CUX2: variants seen among roughly 807,000 people sequenced by gnomAD.
CUX2 encodes the protein cut like homeobox 2, also known as homeobox protein cut-like 2.
CUX2 carries 40 observed loss-of-function variants against 144.8 expected under a neutral mutation model. The observed-to-expected ratio is 0.28, with a 90% CI of 0.21 to 0.36. The LOEUF (loss-of-function observed/expected upper bound fraction) is 0.36, where lower values mean the gene tolerates loss of function less well. Ranked by LOEUF, CUX2 falls within the 10% of genes least tolerant of loss-of-function variation. The pLI is 1.00. For missense variants in CUX2, 1,615 were observed against 1,994.0 expected, an observed-to-expected ratio of 0.81 and a Z score of 3.62; for synonymous variants, 827 against 875.6, an observed-to-expected ratio of 0.94 and a Z score of 0.98.
In CUX2 at chr12:111,293,632, G is replaced by A. The variant is rs1420679599; in HGVS notation, c.560+63G>A. ...GGGCAGGGCTCCTGCTGCCCCACCT[G>A]GCTGGGTCGTGGACGGGGAAAGTCT... On this transcript the variant is annotated intron_variant, in intron 6 of 21. Transcript: ENST00000261726. This position sits in a 1 kb window ranked among gnomAD's most constrained non-coding sequence, Gnocchi z 4.5. 7 of 1,531,070 alleles carry A rather than the reference G, an allele frequency of 4.6e-6. No individual in the cohort carries two copies. Among genetic ancestry groups the A allele is most frequent in the Non-Finnish European group, 6.2e-6 (7 of 1,136,290 alleles). The allele number at this position is 1,531,070 out of a possible 1,614,324, so 94.8% of individuals were successfully genotyped here. A position where few individuals can be genotyped will look rare whatever the true frequency, so the allele number is the denominator to read the frequency against.
Position 111,347,859 on chromosome 12 carries a change from A to G in CUX2, c.3995A>G (p.His1332Arg), listed in dbSNP as rs544531932. Residue 1332 changes from histidine (H) to arginine (R), a missense_variant, in exon 22 of 22, where the codon CAT (histidine) becomes CGT (arginine). Physicochemically the swap from His to Arg is conservative, Grantham distance 29 (BLOSUM62 0). This residue lies in a region of CUX2 where 298 missense variants were observed against 330.4 expected (regional missense o/e 0.90). Transcript: ENST00000261726. ...DKGQGPPKEE[H>R]PDPPGNDGLP... is the part of the protein sequence containing the mutation. ...GGCCAAGGTCCCCCCAAAGAGGAGC[A>G]TCCCGACCCTCCGGGTAATGATGGA... 1.9e-6 allele frequency: 3 copies of G among 1,614,138 alleles called. No individual in the cohort carries two copies. The South Asian group carries it at 3.3e-5, about 18-fold the overall frequency.
chr12:111,309,972 CCT>C, intron 14 of CUX2, 67 bp from the exon 15 acceptor site: 1 of 1,243,406 alleles, frequency 8.0e-7, no homozygotes, highest in Non-Finnish European at 1.0e-6. Context: ...TCTTTTTCTC[CCT>C]GTCTCTCTCT....
chr12:111,325,450 A>G (rs913105291), intron 18 of CUX2, among the ~76,000 whole-genome samples: 1 of 152,190 alleles, frequency 6.6e-6, no homozygotes, highest in Non-Finnish European at 1.5e-5. Flanking sequence ...GAGGAAATCC[A>G]GGGGCATGGT....
At position 111,034,335 on chromosome 12, in the gene CUX2, C is replaced by T. The variant is rs1214957904; in HGVS notation, c.63+95C>T. 1.4e-6 allele frequency: 1 copy of T among 713,744 alleles called. No homozygotes were observed. Among genetic ancestry groups the T allele is most frequent in the Non-Finnish European group, 1.7e-6 (1 of 572,926 alleles). The allele number at this position is 713,744 out of a possible 1,614,324, so 44.2% of individuals were successfully genotyped here. On this transcript the variant is annotated intron_variant, in intron 1 of 21. Transcript: ENST00000261726. The surrounding 1 kb of genome is among the most constrained non-coding windows in gnomAD (Gnocchi z 4.2). ...GTCCCCGGGCGGGCAGGCGGACGCC[C>T]TGGGGCGGCGGGCGGCGGCTGCCGG... is the stretch of plus-strand genomic sequence containing the variant.
rs1870744829 is a variant in CUX2, at chr12:111,061,050, C to G, written c.63+26810C>G. Among the ~76,000 whole-genome samples the G allele has an allele frequency of 6.6e-6, 1 of 152,154 alleles. No homozygotes were observed. Among genetic ancestry groups the G allele is most frequent in the Admixed American group, 6.5e-5 (1 of 15,288 alleles). On this transcript the variant is annotated intron_variant, in intron 1 of 21. Coordinates refer to ENST00000261726, the MANE Select transcript of CUX2 (RefSeq NM_015267.4). This position sits in a 1 kb window ranked among gnomAD's most constrained non-coding sequence, Gnocchi z 4.2. The stretch of plus-strand genomic sequence containing the variant: ...CCAGGACCTCCAGCTGGCCCTGCTG[C>G]CCCCTCCCCCGCTTCCTTGGGGCTG...
chr12:111,165,900 C>T (rs1265408611), intron 1 of CUX2, among the ~76,000 whole-genome samples: 6 of 152,184 alleles, frequency 3.9e-5, no homozygotes, highest in Non-Finnish European at 8.8e-5. Context: ...AAATTGCTAT[C>T]CACAGTGTTT....
At position 111,263,961 on chromosome 12, in the gene CUX2, C is replaced by T; in HGVS notation, c.301+122C>T. ...GCCTGGGCTCCTGGGTGAGGCCAGG[C>T]ACTCTGTATAGGGCAGGGGGAGCTG... On this transcript the variant is annotated intron_variant, in intron 4 of 21. Coordinates refer to ENST00000261726, the MANE Select transcript of CUX2 (RefSeq NM_015267.4). The surrounding 1 kb of genome is among the most constrained non-coding windows in gnomAD (Gnocchi z 4.0). The T allele has an allele frequency of 1.1e-6, 1 of 898,646 alleles. No individual in the cohort carries two copies. Among genetic ancestry groups the T allele is most frequent in the Admixed American group, 1.9e-5 (1 of 52,982 alleles). 55.7% of individuals were successfully genotyped at this position (898,646 alleles called of 1,614,324 possible). A position where few individuals can be genotyped will look rare whatever the true frequency, so the allele number is the denominator to read the frequency against.
chr12:111,191,585 C>A lies in CUX2; in HGVS notation c.64-22615C>A, dbSNP rs11065828. On this transcript the variant is annotated intron_variant, in intron 1 of 21. Transcript: ENST00000261726. The stretch of plus-strand genomic sequence containing the variant: ...AAGTGATCTGCCTACCTTGGCCCCC[C>A]AAAGTGTCGGGATTACAGGCGTGAG... 0.01 allele frequency among the ~76,000 whole-genome samples: 1,550 copies of A among 152,310 alleles called. 164 individuals carry two copies. The East Asian group carries it at 0.24, about 24-fold the overall frequency.
At chr12:111,330,591 T>C (rs1024144130) in intron 18 of CUX2, among the ~76,000 whole-genome samples, 1 of 149,704 alleles carries the variant, frequency 6.7e-6, no homozygotes, top group East Asian at 2.0e-4. Context: ...CCCAACACTT[T>C]GGGAGGCCGA....
intron 1 of CUX2, among the ~76,000 whole-genome samples, chr12:111,088,068 G>T (rs548691820): frequency 2.6e-5 from 4 of 152,216 alleles, no homozygotes; most frequent in Non-Finnish European, 5.9e-5. Context: ...CTTACTGAAG[G>T]ATTCCACTTA....
At chr12:111,036,398 A>G (rs1168496398) in intron 1 of CUX2, among the ~76,000 whole-genome samples, 1 of 152,180 alleles carries the variant, frequency 6.6e-6, no homozygotes, top group African/African-American at 2.4e-5. Flanking sequence ...TTGGAACCTC[A>G]CTGTCTTCAG....
chr12:111,183,497 T>C (rs926688456), intron 1 of CUX2, among the ~76,000 whole-genome samples: 1 of 152,030 alleles, frequency 6.6e-6, no homozygotes, highest in Non-Finnish European at 1.5e-5. Context: ...CAGGGTGAGG[T>C]TGTTGTTTAC....
At chr12:111,236,092 A>G (rs1278089190) in intron 3 of CUX2, among the ~76,000 whole-genome samples, 2 of 152,046 alleles carry the variant, frequency 1.3e-5, no homozygotes, top group Non-Finnish European at 2.9e-5. Flanking sequence ...AAAAGGGGGG[A>G]TAGTATTTGT....
chr12:111,123,356 G>T (rs895806402), intron 1 of CUX2, among the ~76,000 whole-genome samples: 5 of 151,996 alleles, frequency 3.3e-5, no homozygotes, highest in African/African-American at 1.2e-4. Flanking sequence ...CTAATTTTTT[G>T]TATTTTTAGT....
chr12:111,313,395 T>G (rs1887006222), intron 16 of CUX2, among the ~76,000 whole-genome samples: 1 of 150,584 alleles, frequency 6.6e-6, no homozygotes, highest in South Asian at 2.1e-4. Flanking sequence ...AAATGGGGAC[T>G]GTGGGAGGCC....
At chr12:111,110,153 A>G (rs920286870) in intron 1 of CUX2, among the ~76,000 whole-genome samples, 2 of 151,336 alleles carry the variant, frequency 1.3e-5, no homozygotes, top group Non-Finnish European at 2.9e-5. Flanking sequence ...GAAGTGCTTC[A>G]TCTCCAGCTT....
At chr12:111,195,396 C>A (rs1321744612) in intron 1 of CUX2, among the ~76,000 whole-genome samples, 5 of 152,054 alleles carry the variant, frequency 3.3e-5, no homozygotes, top group Non-Finnish European at 7.4e-5. Flanking sequence ...AAAAGAAACA[C>A]AAAACATTGC....
At chr12:111,325,458 G>A (rs1887731522) in intron 18 of CUX2, among the ~76,000 whole-genome samples, 2 of 152,308 alleles carry the variant, frequency 1.3e-5, no homozygotes, top group South Asian at 2.1e-4. Context: ...CCAGGGGCAT[G>A]GTAGTGCAGT....
At chr12:111,347,430 C>G (rs1282198361) in intron 21 of CUX2, 94 bp from the exon 22 acceptor site, 1 of 1,179,978 alleles carries the variant, frequency 8.5e-7, no homozygotes, top group African/African-American at 1.5e-5. Flanking sequence ...AGCCCCAGGG[C>G]AGTGGGTGGG....
Sources: gnomAD v4.1 joint callset for allele counts (sites outside exome capture counted in the v4.1 genomes callset) on GRCh38, gnomAD v4.1.1 for gene constraint, gnomAD v4.1.1 regional missense constraint, Gnocchi (gnomAD v3.1) non-coding constraint, MANE v1.5 for transcripts, NCBI Gene and HGNC (gene_info 2026-07-23, HGNC 2026-07-21) for gene names.